Variants in TMEFF1 observed in about 807,000 individuals in gnomAD.
TMEFF1 encodes tomoregulin-1.
In TMEFF1, 20 loss-of-function variants were observed where a neutral mutation model predicts 47.5. That is an observed-to-expected ratio of 0.42 (90% CI 0.30 to 0.61). The LOEUF is 0.61. Among genes scored for constraint, TMEFF1 ranks in the 20% least tolerant of loss-of-function variants. TMEFF1 has a pLI of 0.19. For missense variants in TMEFF1, 411 were observed against 471.1 expected (o/e 0.87, Z 1.18); for synonymous variants, 162 against 166.3 (o/e 0.97, Z 0.20).
chr9:100,517,958 T>A (rs1374902423), intron 5 of TMEFF1, among the ~76,000 whole-genome samples: 2 of 152,354 alleles, frequency 1.3e-5, no homozygotes, highest in Admixed American at 6.5e-5. Flanking sequence ...TCCTTAGTAC[T>A]CTTCTGTATT....
chr9:100,523,608 T>C (rs1838206483), intron 5 of TMEFF1, among the ~76,000 whole-genome samples: 1 of 152,180 alleles, frequency 6.6e-6, no homozygotes. Flanking sequence ...GTTGCAGGCT[T>C]TATTAGGTGT....
chr9:100,562,212 C>CT (rs1312846838), intron 8 of TMEFF1, among the ~76,000 whole-genome samples: 1 of 152,098 alleles, frequency 6.6e-6, no homozygotes, highest in East Asian at 1.9e-4. Context: ...ACATTGCTGT[C>CT]ATTTTGCTCA....
At chr9:100,536,358 A>G (rs1256302395) in intron 5 of TMEFF1, among the ~76,000 whole-genome samples, 5 of 152,198 alleles carry the variant, frequency 3.3e-5, no homozygotes, top group African/African-American at 1.2e-4. Context: ...TGGTTATTGC[A>G]TGATTTTTTC....
At chr9:100,517,596 G>T (rs759337638) in intron 5 of TMEFF1, among the ~76,000 whole-genome samples, 2 of 152,126 alleles carry the variant, frequency 1.3e-5, no homozygotes, top group Non-Finnish European at 2.9e-5. Flanking sequence ...TATTTGGATG[G>T]CACTTGGTAA....
At chr9:100,558,077 T>G (rs551180073) in intron 7 of TMEFF1, among the ~76,000 whole-genome samples, 1 of 152,338 alleles carries the variant, frequency 6.6e-6, no homozygotes, top group African/African-American at 2.4e-5. Flanking sequence ...ATTGGTGCCA[T>G]ACTTTTCTTA....
At chr9:100,560,563 G>A (rs952348961) in intron 7 of TMEFF1, among the ~76,000 whole-genome samples, 1 of 152,088 alleles carries the variant, frequency 6.6e-6, no homozygotes, top group African/African-American at 2.4e-5. Context: ...AGTGTGTGAT[G>A]TATATACAGA....
intron 5 of TMEFF1, among the ~76,000 whole-genome samples, chr9:100,539,309 A>C (rs918581590): frequency 6.6e-6 from 1 of 152,186 alleles, no homozygotes; most frequent in Non-Finnish European, 1.5e-5. Context: ...TTGCTGTCCC[A>C]GTAAGCTTTC....
chr9:100,503,044 A>G (rs569402088), intron 2 of TMEFF1, among the ~76,000 whole-genome samples: 28 of 152,324 alleles, frequency 1.8e-4, no homozygotes, highest in African/African-American at 6.0e-4. Context: ...TGTTCAGGGT[A>G]GACTTAGGTT....
chr9:100,561,284 C>T (rs1232464114), intron 7 of TMEFF1, 113 bp from the exon 8 acceptor site: 7 of 1,497,342 alleles, frequency 4.7e-6, no homozygotes, highest in Admixed American at 2.3e-5. Context: ...TTTCAAATTG[C>T]CAGTAGGTGG....
At chr9:100,545,528 A>G (rs538142031) in intron 5 of TMEFF1, among the ~76,000 whole-genome samples, 5 of 151,958 alleles carry the variant, frequency 3.3e-5, no homozygotes, top group African/African-American at 7.2e-5. Context: ...TCCTCCTACA[A>G]TGGGAGGGGC....
intron 5 of TMEFF1, among the ~76,000 whole-genome samples, chr9:100,530,229 G>T (rs1838350247): frequency 6.6e-6 from 1 of 151,820 alleles, no homozygotes; most frequent in African/African-American, 2.4e-5. Flanking sequence ...CAGAAGGCAA[G>T]AAATAACTAA....
In TMEFF1 at chr9:100,478,646, T is replaced by G. The variant is rs1384773029; in HGVS notation, c.196+4906T>G. On this transcript the variant is annotated intron_variant, in intron 1 of 9. Coordinates refer to ENST00000374879, the MANE Select transcript of TMEFF1 (RefSeq NM_003692.5). ...ATATCTTTTTTATTTATGCTTATTT[T>G]TTTTTAAAGCTAACTTAACAGAAAG... Among the ~76,000 whole-genome samples, 2 of 152,258 alleles carry G rather than the reference T, an allele frequency of 1.3e-5. 1 individual carries two copies. The highest frequency in any genetic ancestry group is 1.3e-4 in the Admixed American group (2 of 15,286).
At chr9:100,527,855 A>ACGAGAG (rs1476322565) in intron 5 of TMEFF1, among the ~76,000 whole-genome samples, 4 of 152,218 alleles carry the variant, frequency 2.6e-5, no homozygotes, top group Non-Finnish European at 5.9e-5. Flanking sequence ...GACAGCTTTG[A>ACGAGAG]CGAGAGCAGT....
At position 100,576,610 on chromosome 9, in the gene TMEFF1, T is replaced by G. The variant is rs2118593931; in HGVS notation, c.*10T>G. ...ATCCAGAATGGTTTAAACTGATGAC[T>G]TTTATATGTACACTGACCATGTGAT... On this transcript the variant is annotated 3_prime_UTR_variant, in exon 10 of 10. Transcript: ENST00000374879. 1 of 1,607,412 alleles carries G rather than the reference T, an allele frequency of 6.2e-7. No homozygotes were observed. Among genetic ancestry groups the G allele is most frequent in the Admixed American group, 1.7e-5 (1 of 58,244 alleles).
intron 2 of TMEFF1, among the ~76,000 whole-genome samples, chr9:100,505,760 G>A (rs1184968833): frequency 6.6e-6 from 1 of 152,178 alleles, no homozygotes; most frequent in Non-Finnish European, 1.5e-5. Flanking sequence ...CCACCCCTAG[G>A]GGGCGATATT....
intron 8 of TMEFF1, among the ~76,000 whole-genome samples, chr9:100,566,739 C>T (rs1021985977): frequency 6.6e-6 from 1 of 151,900 alleles, no homozygotes; most frequent in Non-Finnish European, 1.5e-5. Context: ...GGGTCTCACT[C>T]TGTTGCCCAG....
intron 5 of TMEFF1, among the ~76,000 whole-genome samples, chr9:100,540,092 A>G (rs1838600587): frequency 6.6e-6 from 1 of 152,038 alleles, no homozygotes; most frequent in Non-Finnish European, 1.5e-5. Flanking sequence ...CTAGACAGAA[A>G]AGTTCTCCAA....
At chr9:100,519,676 T>TTTTA (rs1316308065) in intron 5 of TMEFF1, among the ~76,000 whole-genome samples, 1 of 140,032 alleles carries the variant, frequency 7.1e-6, no homozygotes, top group African/African-American at 2.7e-5. Context: ...TTTTTTTTTT[T>TTTTA]AACAAAAACA....
chr9:100,510,999 TTC>T (rs1339288697), intron 3 of TMEFF1, among the ~76,000 whole-genome samples: 5 of 152,138 alleles, frequency 3.3e-5, no homozygotes, highest in African/African-American at 4.8e-5. Flanking sequence ...ACAAATATCC[TTC>T]TATCAGGTAT....
Sources: allele counts gnomAD v4.1 joint callset (sites outside exome capture counted in the v4.1 genomes callset), GRCh38; gene constraint gnomAD v4.1.1; transcripts MANE v1.5; gene names NCBI Gene and HGNC (gene_info 2026-07-23, HGNC 2026-07-21).